Variants in MTREX observed in about 807,000 individuals in gnomAD.
The protein encoded by MTREX is exosome RNA helicase MTR4.
A neutral mutation model predicts 135.4 loss-of-function variants in MTREX; 76 were observed. That is an observed-to-expected ratio of 0.56 (90% confidence interval 0.47 to 0.68). The LOEUF (loss-of-function observed/expected upper bound fraction) is 0.68. Ranked by LOEUF, MTREX falls within the 30% of genes least tolerant of loss-of-function variation. The probability of loss-of-function intolerance (pLI) is 0.00; values close to 1 mark genes in which losing one functional copy is unlikely to be tolerated. For missense variants in MTREX, 920 were observed against 1,262.1 expected, an observed-to-expected ratio of 0.73 and a Z score of 4.11; for synonymous variants, 404 against 401.6, an observed-to-expected ratio of 1.01 and a Z score of -0.07.
chr5:55,319,045 A>G (rs762551788), intron 1 of MTREX, among the ~76,000 whole-genome samples: 3 of 152,128 alleles, frequency 2.0e-5, no homozygotes, highest in Non-Finnish European at 4.4e-5. Context: ...CTTTCTTCCC[A>G]TAATGCATAT....
intron 1 of MTREX, among the ~76,000 whole-genome samples, chr5:55,310,535 G>T (rs1357946970): frequency 6.6e-6 from 1 of 152,148 alleles, no homozygotes; most frequent in Non-Finnish European, 1.5e-5. Context: ...TTGAACCTGG[G>T]AGGTGGAGGT....
At chr5:55,335,537 G>A (rs13183925) in intron 5 of MTREX, among the ~76,000 whole-genome samples, 31,961 of 151,964 alleles carry the variant, frequency 0.21, 4,557 homozygotes, top group African/African-American at 0.39. Flanking sequence ...TGGATATCCA[G>A]TTGTTCCAAT....
At chr5:55,391,857 T>G (rs1360597041) in intron 19 of MTREX, among the ~76,000 whole-genome samples, 2 of 151,072 alleles carry the variant, frequency 1.3e-5, no homozygotes, top group African/African-American at 2.5e-5. Flanking sequence ...CTGCTGTAAC[T>G]TCTGCCTTCC....
At chr5:55,418,162 A>T (rs2111627105) in intron 25 of MTREX, among the ~76,000 whole-genome samples, 1 of 149,106 alleles carries the variant, frequency 6.7e-6, no homozygotes, top group Admixed American at 6.8e-5. Context: ...TGAACCTGGG[A>T]GGCAGAGCTT....
intron 25 of MTREX, among the ~76,000 whole-genome samples, chr5:55,419,977 GATA>G (rs1248136065): frequency 2.0e-5 from 3 of 152,166 alleles, no homozygotes; most frequent in African/African-American, 7.2e-5. Context: ...TATTCTTGCT[GATA>G]ATAATAGAGT....
intron 21 of MTREX, 35 bp downstream of exon 21, chr5:55,400,456 T>G: frequency 7.1e-7 from 1 of 1,399,190 alleles, no homozygotes; most frequent in Non-Finnish European, 9.8e-7. Flanking sequence ...AGTAGAATTC[T>G]ATATGTTTCA....
At chr5:55,310,663 T>C (rs1262265232) in intron 1 of MTREX, among the ~76,000 whole-genome samples, 1 of 152,142 alleles carries the variant, frequency 6.6e-6, no homozygotes, top group Non-Finnish European at 1.5e-5. Flanking sequence ...ATACTAACAT[T>C]ATGCATAGTG....
chr5:55,370,988 C>T (rs1750186193), intron 16 of MTREX, among the ~76,000 whole-genome samples: 2 of 152,218 alleles, frequency 1.3e-5, no homozygotes, highest in South Asian at 2.1e-4. Context: ...ATCTAATCAA[C>T]AGTACATTTT....
chr5:55,338,825 C>T (rs1749597598), intron 5 of MTREX, among the ~76,000 whole-genome samples: 1 of 125,008 alleles, frequency 8.0e-6, no homozygotes, highest in African/African-American at 3.1e-5. Flanking sequence ...CAGTCTCACT[C>T]TGTCACCCAG....
At chr5:55,377,474 A>C (rs1750324693) in intron 16 of MTREX, among the ~76,000 whole-genome samples, 1 of 152,210 alleles carries the variant, frequency 6.6e-6, no homozygotes, top group Non-Finnish European at 1.5e-5. Flanking sequence ...GAAACTATAT[A>C]TTTGCCAAGA....
intron 16 of MTREX, among the ~76,000 whole-genome samples, chr5:55,372,944 TTGTC>T (rs1750229311): frequency 2.6e-5 from 2 of 76,858 alleles, no homozygotes; most frequent in South Asian, 4.1e-4. Flanking sequence ...GTGTGTGTGT[TTGTC>T]TATGGTTTTT....
At chr5:55,327,686 G>T in intron 3 of MTREX, 30 bp from the exon 4 acceptor site, 3 of 1,528,030 alleles carry the variant, frequency 2.0e-6, no homozygotes, top group South Asian at 1.1e-5. Flanking sequence ...AGTTGGTGAG[G>T]TTTTTTTTTC....
chr5:55,361,508 T>C (rs894174657), intron 15 of MTREX, among the ~76,000 whole-genome samples: 3 of 152,196 alleles, frequency 2.0e-5, no homozygotes, highest in African/African-American at 7.2e-5. Flanking sequence ...AATAATTTTT[T>C]TCCTTCATTT....
At chr5:55,343,256 A>G in intron 7 of MTREX, 75 bp from the exon 8 acceptor site, 1 of 1,290,324 alleles carries the variant, frequency 7.7e-7, no homozygotes, top group Non-Finnish European at 1.1e-6. Context: ...GCTTCAGAGA[A>G]TATAATTTTA....
At chr5:55,402,819 T>A (rs937176028) in intron 21 of MTREX, among the ~76,000 whole-genome samples, 1 of 36,908 alleles carries the variant, frequency 2.7e-5, no homozygotes, top group South Asian at 1.4e-3. Context: ...ATAAGCACAT[T>A]ATATGTGTGT....
chr5:55,350,473 C>T (rs950114377), intron 12 of MTREX, among the ~76,000 whole-genome samples: 3 of 151,984 alleles, frequency 2.0e-5, no homozygotes, highest in African/African-American at 7.3e-5. Flanking sequence ...TATTTAATGG[C>T]GTTTGATAGA....
At chr5:55,367,025 A>C in intron 16 of MTREX, 150 bp downstream of exon 16, 1 of 545,008 alleles carries the variant, frequency 1.8e-6, no homozygotes, top group Non-Finnish European at 3.2e-6. Flanking sequence ...GGTCATTGTA[A>C]CTGAATAGAA....
At chr5:55,395,131 C>T (rs923880527) in intron 19 of MTREX, among the ~76,000 whole-genome samples, 2 of 151,994 alleles carry the variant, frequency 1.3e-5, no homozygotes, top group African/African-American at 2.4e-5. Context: ...AATGGCTGGC[C>T]GTGGTGGCTC....
intron 25 of MTREX, among the ~76,000 whole-genome samples, chr5:55,422,270 C>T (rs1751066853): frequency 6.6e-6 from 1 of 152,132 alleles, no homozygotes. Context: ...AGATTCTAGA[C>T]CCATGGGAAA....
Sources: gnomAD v4.1 joint callset for allele counts (sites outside exome capture counted in the v4.1 genomes callset) on GRCh38, gnomAD v4.1.1 for gene constraint, MANE v1.5 for transcripts, NCBI Gene and HGNC (gene_info 2026-07-23, HGNC 2026-07-21) for gene names.